MMP16: variants seen among roughly 807,000 people sequenced by gnomAD.
MMP16 encodes the protein matrix metallopeptidase 16, also known as matrix metalloproteinase-16.
Under a neutral mutation model 67.8 loss-of-function variants are expected in MMP16, and 12 were observed. The ratio of observed to expected loss-of-function variants is 0.18; its 90% CI spans 0.11 to 0.29. The LOEUF (loss-of-function observed/expected upper bound fraction) is 0.29, where lower values mean the gene tolerates loss of function less well. Ranked by LOEUF, MMP16 falls within the 10% of genes least tolerant of loss-of-function variation. The probability of loss-of-function intolerance (pLI) is 1.00; values close to 1 mark genes in which losing one functional copy is unlikely to be tolerated. For synonymous variants in MMP16, 249 were observed against 255.9 expected (o/e 0.97, Z 0.26); for missense variants, 475 against 765.7 (o/e 0.62, Z 4.48).
intron 4 of MMP16, among the ~76,000 whole-genome samples, chr8:88,132,285 C>T (rs1258610464): frequency 6.6e-6 from 1 of 151,888 alleles, no homozygotes; most frequent in African/African-American, 2.4e-5. Flanking sequence ...ACTTCATAAA[C>T]AACTTCAAGA....
Position 88,150,731 on chromosome 8 carries a change from A to G in MMP16, c.709+16938T>C, listed in dbSNP as rs1387410562. Among the ~76,000 whole-genome samples, 5 of 148,198 alleles carry G rather than the reference A, an allele frequency of 3.4e-5. No homozygotes were observed. In the Admixed American group the frequency reaches 3.4e-4, roughly 10 times the overall value. Reference sequence around the variant, plus strand: ...AAGGAAGCGCTAAACATGGAAAGGAACAACCGGTACCAGCCGCTGCAAAAT... The same window carrying G: ...AAGGAAGCGCTAAACATGGAAAGGAGCAACCGGTACCAGCCGCTGCAAAAT... On this transcript the variant is annotated intron_variant, in intron 4 of 9. Transcript: ENST00000286614.
chr8:88,230,617 A>G (rs545174457), intron 1 of MMP16, among the ~76,000 whole-genome samples: 15 of 151,854 alleles, frequency 9.9e-5, no homozygotes, highest in African/African-American at 3.4e-4. Context: ...TTGATTCTTG[A>G]TACATAACAT....
chr8:88,054,000 C>G (rs1481630311), intron 8 of MMP16, among the ~76,000 whole-genome samples: 1 of 152,094 alleles, frequency 6.6e-6, no homozygotes, highest in Admixed American at 6.6e-5. Flanking sequence ...CTTTATTCTT[C>G]TATACTTTTG....
chr8:88,294,497 T>C (rs1214185479), intron 1 of MMP16, among the ~76,000 whole-genome samples: 3 of 149,460 alleles, frequency 2.0e-5, no homozygotes, highest in Non-Finnish European at 3.0e-5. Flanking sequence ...TATACACACA[T>C]ATGTATATGT....
At chr8:88,178,726 C>T (rs775904151) in intron 3 of MMP16, among the ~76,000 whole-genome samples, 20 of 151,970 alleles carry the variant, frequency 1.3e-4, no homozygotes, top group Admixed American at 2.0e-4. Flanking sequence ...ATAAAGAGTT[C>T]GTGCCAATTT....
At chr8:88,222,236 T>C (rs1032540881) in intron 1 of MMP16, among the ~76,000 whole-genome samples, 4 of 151,896 alleles carry the variant, frequency 2.6e-5, no homozygotes, top group Non-Finnish European at 5.9e-5. Flanking sequence ...GCAACCTTCA[T>C]GAGAAAAAGA....
At chr8:88,128,359 C>T (rs1175914844) in intron 4 of MMP16, among the ~76,000 whole-genome samples, 1 of 151,774 alleles carries the variant, frequency 6.6e-6, no homozygotes, top group Non-Finnish European at 1.5e-5. Flanking sequence ...GGGTAACTTA[C>T]ACAGCAATTG....
At chr8:88,316,010 C>A (rs944632364) in intron 1 of MMP16, among the ~76,000 whole-genome samples, 1 of 152,190 alleles carries the variant, frequency 6.6e-6, no homozygotes, top group Non-Finnish European at 1.5e-5. Flanking sequence ...CCAGCCACAA[C>A]GTTCCCTTAA....
intron 6 of MMP16, among the ~76,000 whole-genome samples, chr8:88,101,843 A>C (rs545890551): frequency 6.6e-6 from 1 of 151,996 alleles, no homozygotes; most frequent in Admixed American, 6.6e-5. Flanking sequence ...AGTATTTCTC[A>C]TCCAGTTCCA....
chr8:88,122,095 C>T (rs939302746), intron 4 of MMP16, among the ~76,000 whole-genome samples: 1 of 152,052 alleles, frequency 6.6e-6, no homozygotes, highest in Non-Finnish European at 1.5e-5. Context: ...CTGAATTTCT[C>T]ATTGCACTGC....
chr8:88,272,711 A>T (rs963906657), intron 1 of MMP16, among the ~76,000 whole-genome samples: 4 of 152,204 alleles, frequency 2.6e-5, no homozygotes, highest in African/African-American at 9.6e-5. Flanking sequence ...ACCTATGTTG[A>T]AAAGGTTGGC....
intron 1 of MMP16, among the ~76,000 whole-genome samples, chr8:88,289,372 A>G (rs944397162): frequency 3.3e-5 from 5 of 152,200 alleles, no homozygotes; most frequent in African/African-American, 1.2e-4. Context: ...GCCATTTAAA[A>G]AGCCAGTAAA....
chr8:88,055,590 T>A (rs1808321899), intron 8 of MMP16, among the ~76,000 whole-genome samples: 1 of 152,004 alleles, frequency 6.6e-6, no homozygotes, highest in Non-Finnish European at 1.5e-5. Context: ...AATAAGAGAG[T>A]AAAATAGTTG....
rs78736041 is a variant in MMP16 at position 88,252,383 on chromosome 8, T to C, written c.133-55077A>G. ...TGGACAACTGTAGCCCTCCAACTGA[T>C]TTCTCAGTCACTACAAGTAACAGAA... On this transcript the variant is annotated intron_variant, in intron 1 of 9. Transcript: ENST00000286614. Among the ~76,000 whole-genome samples the C allele has an allele frequency of 4.7e-3, 721 of 152,182 alleles. 7 individuals carry two copies. The highest frequency in any genetic ancestry group is 0.017 in the African/African-American group (691 of 41,532).
intron 1 of MMP16, among the ~76,000 whole-genome samples, chr8:88,252,280 G>T (rs908594902): frequency 6.6e-6 from 1 of 152,128 alleles, no homozygotes; most frequent in Non-Finnish European, 1.5e-5. Context: ...TCTGATGGCT[G>T]CAGTCTTCCC....
intron 3 of MMP16, among the ~76,000 whole-genome samples, chr8:88,180,655 A>G (rs1427052227): frequency 1.3e-5 from 2 of 152,138 alleles, no homozygotes; most frequent in Non-Finnish European, 2.9e-5. Context: ...AGAACTGCAA[A>G]AAAAAATGCA....
chr8:88,210,625 CAA>C (rs779992193), intron 1 of MMP16, among the ~76,000 whole-genome samples: 5 of 152,076 alleles, frequency 3.3e-5, no homozygotes, highest in Non-Finnish European at 5.9e-5. Context: ...ACACATATAG[CAA>C]AGATTAGCAG....
chr8:88,201,734 G>A (rs540423633), intron 1 of MMP16, among the ~76,000 whole-genome samples: 9 of 152,154 alleles, frequency 5.9e-5, no homozygotes, highest in African/African-American at 2.2e-4. Context: ...TTTTCAGTAT[G>A]AGACTTATAA....
At chr8:88,212,047 G>C (rs1809520704) in intron 1 of MMP16, among the ~76,000 whole-genome samples, 1 of 152,050 alleles carries the variant, frequency 6.6e-6, no homozygotes, top group African/African-American at 2.4e-5. Context: ...CCAGTGTCCT[G>C]TATATACCAA....
Sources: allele counts gnomAD v4.1 joint callset (sites outside exome capture counted in the v4.1 genomes callset), GRCh38; gene constraint gnomAD v4.1.1; transcripts MANE v1.5; gene names NCBI Gene and HGNC (gene_info 2026-07-23, HGNC 2026-07-21).